Variants in CSNK2A2IP observed in about 807,000 individuals in gnomAD.
CSNK2A2IP encodes casein kinase II subunit alpha'-interacting protein.
the CSNK2A2IP span, among the ~76,000 whole-genome samples, chr3:88,432,954 G>T: frequency 1.3e-5 from 2 of 151,708 alleles, no homozygotes; most frequent in African/African-American, 2.4e-5. Flanking sequence ...TTTTTGATTA[G>T]TGCTAATACC....
the CSNK2A2IP span, among the ~76,000 whole-genome samples, chr3:88,355,161 T>A: frequency 6.6e-6 from 1 of 152,102 alleles, no homozygotes; most frequent in Non-Finnish European, 1.5e-5. Flanking sequence ...AACTTAAGAC[T>A]GGTGGAAGTT....
chr3:88,384,143 T>TAAG, the CSNK2A2IP span, among the ~76,000 whole-genome samples: 1 of 151,992 alleles, frequency 6.6e-6, no homozygotes, highest in South Asian at 2.1e-4. Context: ...CTATGGTAAA[T>TAAG]AAGATAGATA....
the CSNK2A2IP span, among the ~76,000 whole-genome samples, chr3:88,379,356 T>G: frequency 6.6e-6 from 1 of 152,248 alleles, no homozygotes; most frequent in South Asian, 2.1e-4. Context: ...ATTGAGGCGG[T>G]AGATATACTG....
the CSNK2A2IP span, among the ~76,000 whole-genome samples, chr3:88,366,653 G>A: frequency 6.6e-6 from 1 of 152,088 alleles, no homozygotes; most frequent in South Asian, 2.1e-4. Context: ...AAGAGAAACA[G>A]GTAGTGGTTA....
At chr3:88,344,078 A>G in the CSNK2A2IP span, among the ~76,000 whole-genome samples, 1 of 151,970 alleles carries the variant, frequency 6.6e-6, no homozygotes, top group Non-Finnish European at 1.5e-5. Context: ...TTGTGGTAGA[A>G]TTTTAGTAGA....
the CSNK2A2IP span, among the ~76,000 whole-genome samples, chr3:88,399,273 T>C: frequency 6.6e-6 from 1 of 152,218 alleles, no homozygotes; most frequent in Admixed American, 6.5e-5. Context: ...TCTGAGGCTT[T>C]ATTGTTAACA....
the CSNK2A2IP span, among the ~76,000 whole-genome samples, chr3:88,443,056 T>C: frequency 6.6e-6 from 1 of 152,112 alleles, no homozygotes; most frequent in African/African-American, 2.4e-5. Context: ...AAATCCAAAT[T>C]CCCTACCTTA....
the CSNK2A2IP span, among the ~76,000 whole-genome samples, chr3:88,424,119 C>G: frequency 2.6e-5 from 4 of 152,254 alleles, no homozygotes; most frequent in African/African-American, 7.2e-5. Context: ...GTCCCTACTT[C>G]TAAACTCAGT....
chr3:88,394,132 A>T, the CSNK2A2IP span, among the ~76,000 whole-genome samples: 23 of 152,122 alleles, frequency 1.5e-4, no homozygotes, highest in African/African-American at 5.6e-4. Flanking sequence ...AACAACATAA[A>T]CTGTGTATAA....
At chr3:88,360,164 C>T in the CSNK2A2IP span, among the ~76,000 whole-genome samples, 3 of 145,432 alleles carry the variant, frequency 2.1e-5, no homozygotes, top group Non-Finnish European at 4.5e-5. Context: ...GAGATGGAGT[C>T]TCTCTCTGTT....
the CSNK2A2IP span, among the ~76,000 whole-genome samples, chr3:88,362,269 G>A: frequency 6.6e-6 from 1 of 152,106 alleles, no homozygotes. Flanking sequence ...ATTTAATAAA[G>A]ATTGGGGGTT....
the CSNK2A2IP span, among the ~76,000 whole-genome samples, chr3:88,343,920 CT>C: frequency 6.6e-6 from 1 of 151,832 alleles, no homozygotes; most frequent in Admixed American, 6.6e-5. Context: ...AATAAATCAT[CT>C]AGGTTATTCA....
At chr3:88,353,450 G>A in the CSNK2A2IP span, among the ~76,000 whole-genome samples, 3 of 152,010 alleles carry the variant, frequency 2.0e-5, no homozygotes, top group Non-Finnish European at 4.4e-5. Flanking sequence ...TTAATTGCTC[G>A]TGCCTGACTC....
chr3:88,340,593 G>C, the CSNK2A2IP span, among the ~76,000 whole-genome samples: 1 of 151,932 alleles, frequency 6.6e-6, no homozygotes, highest in African/African-American at 2.4e-5. Context: ...ATCATGACCT[G>C]TGGGGCTTTC....
chr3:88,437,139 T>G, the CSNK2A2IP span, among the ~76,000 whole-genome samples: 1 of 152,184 alleles, frequency 6.6e-6, no homozygotes, highest in Non-Finnish European at 1.5e-5. Context: ...ATAACTGCTC[T>G]GTCAAAATTT....
At chr3:88,429,912 C>A in the CSNK2A2IP span, among the ~76,000 whole-genome samples, 8 of 123,498 alleles carry the variant, frequency 6.5e-5, no homozygotes, top group Admixed American at 9.0e-5. Flanking sequence ...GCCACCACGC[C>A]AGGCTAATTT....
chr3:88,467,139 C>T, the CSNK2A2IP span: 3 of 414,698 alleles, frequency 7.2e-6, no homozygotes, highest in East Asian at 7.1e-5. Flanking sequence ...AGGCTATTGA[C>T]TGGCTGTTTT....
chr3:88,430,742 C>T, the CSNK2A2IP span, among the ~76,000 whole-genome samples: 31 of 151,910 alleles, frequency 2.0e-4, no homozygotes, highest in Admixed American at 3.3e-4. Context: ...ACAACTAAAA[C>T]GAAGTAGTAA....
At chr3:88,340,793 G>A in the CSNK2A2IP span, among the ~76,000 whole-genome samples, 1 of 151,682 alleles carries the variant, frequency 6.6e-6, no homozygotes, top group Admixed American at 6.6e-5. Context: ...CTTTATCTTG[G>A]GTTTACATAC....
Sources: gnomAD v4.1 joint callset for allele counts (sites outside exome capture counted in the v4.1 genomes callset) on GRCh38, gnomAD v4.1.1 for gene constraint, MANE v1.5 for transcripts, NCBI Gene and HGNC (gene_info 2026-07-23, HGNC 2026-07-21) for gene names.